GARIN5B: variants seen among roughly 807,000 people sequenced by gnomAD.
The protein encoded by GARIN5B is golgi associated RAB2 interactor family member 5B.
the GARIN5B span, among the ~76,000 whole-genome samples, chr19:55,357,886 T>A: frequency 6.6e-6 from 1 of 152,016 alleles, no homozygotes; most frequent in African/African-American, 2.4e-5. Context: ...AAACCCCATC[T>A]CTACTAAAAA....
At chr19:55,360,930 T>C in the GARIN5B span, 3 of 1,542,572 alleles carry the variant, frequency 1.9e-6, no homozygotes, top group East Asian at 2.5e-5. Flanking sequence ...CCGTGGGACT[T>C]TGGTGGCATC....
chr19:55,355,357 A>G, the GARIN5B span: 2 of 1,549,798 alleles, frequency 1.3e-6, no homozygotes, highest in Non-Finnish European at 1.7e-6. Flanking sequence ...TGCAGGGAGA[A>G]AGCAAGCCAG....
chr19:55,356,460 G>A, the GARIN5B span, among the ~76,000 whole-genome samples: 13 of 151,656 alleles, frequency 8.6e-5, no homozygotes, highest in African/African-American at 2.9e-4. Flanking sequence ...GCAACCCGTC[G>A]CCATGCCCGG....
At chr19:55,359,406 AAGCTGACGC>A in the GARIN5B span, 1 of 1,545,784 alleles carries the variant, frequency 6.5e-7, no homozygotes, top group East Asian at 2.4e-5. Flanking sequence ...TTTCGGGGAG[AAGCTGACGC>A]AGCTGAGGCC....
the GARIN5B span, chr19:55,358,360 G>A: frequency 1.3e-6 from 2 of 1,517,782 alleles, no homozygotes; most frequent in East Asian, 4.9e-5. Flanking sequence ...TCTTTGAGAT[G>A]AGGGTCTCCG....
chr19:55,354,946 G>T, the GARIN5B span: 2 of 224,980 alleles, frequency 8.9e-6, no homozygotes, highest in East Asian at 2.3e-4. Flanking sequence ...GCGAAGTTGG[G>T]CGGCTCCACG....
chr19:55,355,666 GT>G, the GARIN5B span, among the ~76,000 whole-genome samples: 26 of 152,094 alleles, frequency 1.7e-4, no homozygotes, highest in Non-Finnish European at 2.9e-4. Context: ...ACTCAGGATT[GT>G]TTACACTGAC....
the GARIN5B span, chr19:55,358,880 G>C: frequency 1.9e-4 from 291 of 1,549,704 alleles, no homozygotes; most frequent in Middle Eastern, 5.0e-4. Context: ...CAACTCCTTG[G>C]ATCTCACGCC....
At chr19:55,360,030 C>A in the GARIN5B span, 1 of 1,486,422 alleles carries the variant, frequency 6.7e-7, no homozygotes, top group Non-Finnish European at 9.0e-7. Context: ...CATGGAGACC[C>A]CAGACCCGGG....
At chr19:55,359,725 G>A in the GARIN5B span, 2 of 1,551,420 alleles carry the variant, frequency 1.3e-6, no homozygotes, top group Non-Finnish European at 1.7e-6. Flanking sequence ...CCTTTTCCCT[G>A]CCCCTGGGGA....
the GARIN5B span, chr19:55,360,877 T>G: frequency 6.5e-7 from 1 of 1,545,842 alleles, no homozygotes; most frequent in Admixed American, 2.0e-5. Flanking sequence ...TGGGTGTGAG[T>G]TCTGTCGGGG....
chr19:55,361,300 A>G, the GARIN5B span: 2 of 1,542,716 alleles, frequency 1.3e-6, no homozygotes, highest in Admixed American at 4.0e-5. Flanking sequence ...GACCTACCCC[A>G]GGAGCTTGTG....
At chr19:55,359,940 G>A in the GARIN5B span, 1 of 1,550,722 alleles carries the variant, frequency 6.4e-7, no homozygotes. Context: ...TCAACCACAT[G>A]TCCCTGGCCT....
chr19:55,361,277 G>A, the GARIN5B span: 4 of 1,548,762 alleles, frequency 2.6e-6, no homozygotes, highest in Non-Finnish European at 3.5e-6. Flanking sequence ...GGGACCCCAG[G>A]GGAGGGCACG....
At chr19:55,361,316 C>T in the GARIN5B span, 1 of 1,539,672 alleles carries the variant, frequency 6.5e-7, no homozygotes, top group African/African-American at 1.4e-5. Context: ...TTGTGGAGGG[C>T]CCCACCAAGG....
the GARIN5B span, chr19:55,362,228 T>C: frequency 1.7e-5 from 26 of 1,512,434 alleles, no homozygotes; most frequent in African/African-American, 2.4e-4. Context: ...CCCTGGTCTG[T>C]GGAGCTGGGA....
the GARIN5B span, chr19:55,358,596 G>T: frequency 5.2e-6 from 8 of 1,551,366 alleles, no homozygotes; most frequent in Non-Finnish European, 7.0e-6. Flanking sequence ...GACTCTGGCT[G>T]CTCTCTGACC....
chr19:55,362,298 C>T, the GARIN5B span: 2 of 1,548,942 alleles, frequency 1.3e-6, no homozygotes, highest in Non-Finnish European at 1.7e-6. Flanking sequence ...TCCAGGGGGG[C>T]CGTGCGCGTG....
chr19:55,355,477 G>A, the GARIN5B span: 11 of 825,566 alleles, frequency 1.3e-5, no homozygotes, highest in South Asian at 1.6e-4. Context: ...TGTGTGTTTG[G>A]CTCACTGTTG....
Sources: gnomAD v4.1 joint callset for allele counts (sites outside exome capture counted in the v4.1 genomes callset) on GRCh38, gnomAD v4.1.1 for gene constraint, MANE v1.5 for transcripts, NCBI Gene and HGNC (gene_info 2026-07-23, HGNC 2026-07-21) for gene names.